The following DHX15 variants were observed in gnomAD, a reference collection of about 807,000 sequenced individuals.
The protein encoded by DHX15 is DEAH-box helicase 15, also known as ATP-dependent RNA helicase DHX15.
A neutral mutation model predicts 94.4 loss-of-function variants in DHX15; 11 were observed. The observed-to-expected ratio is 0.12, with a 90% CI of 0.07 to 0.19. DHX15 has a LOEUF of 0.19. Among genes scored for constraint, DHX15 ranks in the 10% least tolerant of loss-of-function variants. The probability of loss-of-function intolerance (pLI) is 1.00; values close to 1 mark genes in which losing one functional copy is unlikely to be tolerated. For missense variants in DHX15, 304 were observed against 988.5 expected, an observed-to-expected ratio of 0.31 and a Z score of 9.29; for synonymous variants, 338 against 329.9, an observed-to-expected ratio of 1.02 and a Z score of -0.27.
chr4:24,550,158 C>T (rs886584979), intron 5 of DHX15, among the ~76,000 whole-genome samples: 1 of 142,132 alleles, frequency 7.0e-6, no homozygotes, highest in Admixed American at 7.4e-5. Context: ...AGGGCATCTG[C>T]CATGAAAGAA....
chr4:24,559,713 C>CTATCTACAG (rs1721821468), intron 3 of DHX15, among the ~76,000 whole-genome samples: 2 of 152,166 alleles, frequency 1.3e-5, no homozygotes, highest in African/African-American at 2.4e-5. Flanking sequence ...TGTTTTCCAA[C>CTATCTACAG]TGTTTTAGGG....
At chr4:24,560,409 T>A (rs1490573376) in intron 3 of DHX15, among the ~76,000 whole-genome samples, 2 of 149,338 alleles carry the variant, frequency 1.3e-5, no homozygotes, top group Non-Finnish European at 3.0e-5. Flanking sequence ...ATACATGGAT[T>A]AAATTATTTA....
intron 3 of DHX15, among the ~76,000 whole-genome samples, chr4:24,567,983 ATC>A (rs2109007489): frequency 6.6e-6 from 1 of 152,356 alleles, no homozygotes; most frequent in Non-Finnish European, 1.5e-5. Flanking sequence ...ACCAGATCCA[ATC>A]TTCCGAAAAG....
At chr4:24,554,625 T>C (rs1018048019) in intron 5 of DHX15, 100 bp downstream of exon 5, 65 of 906,172 alleles carry the variant, frequency 7.2e-5, no homozygotes, top group Non-Finnish European at 1.1e-4. Context: ...TGAAGAACAT[T>C]GAAATAAAAA....
At chr4:24,542,897 G>T in intron 7 of DHX15, 43 bp downstream of exon 7, 1 of 1,450,818 alleles carries the variant, frequency 6.9e-7, no homozygotes, top group Non-Finnish European at 9.7e-7. Context: ...TGTAAGTACT[G>T]TTAAACCAAC....
At chr4:24,565,809 G>A (rs747742226) in intron 3 of DHX15, among the ~76,000 whole-genome samples, 2 of 152,146 alleles carry the variant, frequency 1.3e-5, no homozygotes, top group Non-Finnish European at 2.9e-5. Context: ...CCTAAACAGA[G>A]TGCCATAAAT....
intron 3 of DHX15, among the ~76,000 whole-genome samples, chr4:24,565,882 A>G (rs1449551963): frequency 6.6e-6 from 1 of 152,144 alleles, no homozygotes; most frequent in Non-Finnish European, 1.5e-5. Flanking sequence ...GGTAGTTAGT[A>G]CCAGCTCCAT....
chr4:24,555,585 G>A (rs1721719473), intron 4 of DHX15, among the ~76,000 whole-genome samples: 1 of 152,046 alleles, frequency 6.6e-6, no homozygotes, highest in Non-Finnish European at 1.5e-5. Flanking sequence ...TTTCTGCTAA[G>A]AGTCTCACTC....
chr4:24,574,571 T>A (rs1722200722), intron 2 of DHX15, among the ~76,000 whole-genome samples: 1 of 152,204 alleles, frequency 6.6e-6, no homozygotes, highest in Non-Finnish European at 1.5e-5. Context: ...AATAGCAGTA[T>A]GAAATATAAA....
chr4:24,563,992 G>C (rs898977816), intron 3 of DHX15, among the ~76,000 whole-genome samples: 25 of 150,482 alleles, frequency 1.7e-4, no homozygotes, highest in Admixed American at 1.3e-4. Flanking sequence ...GTGTGAACCT[G>C]GGAGGCGGAG....
intron 11 of DHX15, chr4:24,534,291 G>A (rs757155991): frequency 2.0e-5 from 3 of 152,134 alleles, no homozygotes; most frequent in Non-Finnish European, 2.9e-5. Context: ...GCAGAAAAAT[G>A]CCCAAGCTGG....
chr4:24,574,662 T>C lies in DHX15; in HGVS notation c.507+1581A>G, dbSNP rs56136747. Reference sequence around the variant, plus strand: ...CCATAATCCATGTAACCCAGGACAATCCACTAAACCTAAGTTTCTCATAAA... The same window carrying C: ...CCATAATCCATGTAACCCAGGACAACCCACTAAACCTAAGTTTCTCATAAA... On this transcript the variant is annotated intron_variant, in intron 2 of 13. Transcript: ENST00000336812. Among the ~76,000 whole-genome samples, 283 of 152,276 alleles carry C rather than the reference T, an allele frequency of 1.9e-3. 1 individual carries two copies. Among genetic ancestry groups the C allele is most frequent in the Middle Eastern group, 0.01 (3 of 294 alleles).
intron 1 of DHX15, among the ~76,000 whole-genome samples, chr4:24,577,654 T>C (rs949757197): frequency 5.3e-5 from 8 of 152,144 alleles, no homozygotes; most frequent in African/African-American, 1.9e-4. Context: ...GGTATCTACT[T>C]CCAGTTACTA....
At position 24,527,700 on chromosome 4, in the gene DHX15, A is replaced by T. The variant is rs769051673; in HGVS notation, c.*224T>A. On this transcript the variant is annotated 3_prime_UTR_variant, in exon 14 of 14. Transcript: ENST00000336812. ...ATAGAACTACTTTCAATAAACTGCA[A>T]AACATTGATCGACTTTTCCAGTATG... The T allele has an allele frequency of 2.2e-6, 1 of 458,936 alleles. No homozygotes were observed. Among genetic ancestry groups the T allele is most frequent in the Non-Finnish European group, 3.9e-6 (1 of 257,070 alleles). The allele number at this position is 458,936 out of a possible 1,614,324, so 28.4% of individuals were successfully genotyped here. A position where few individuals can be genotyped will look rare whatever the true frequency, so the allele number is the denominator to read the frequency against.
At position 24,580,764 on chromosome 4, in the gene DHX15, C is replaced by T. The variant is rs569772357; in HGVS notation, c.71+3559G>A. 2.0e-5 allele frequency: 3 copies of T among 152,124 alleles called. 1 individual carries two copies. The South Asian group carries it at 6.2e-4, about 32-fold the overall frequency. 9.4% of individuals were successfully genotyped at this position (152,124 alleles called of 1,614,324 possible). The stretch of plus-strand genomic sequence containing the variant: ...AACTCCTGACCTCAGGTGATCCATT[C>T]GCCTAGGCCTCCCAAAGTGCTGTGA... On this transcript the variant is annotated intron_variant, in intron 1 of 13. Transcript: ENST00000336812.
At position 24,570,713 on chromosome 4, in the gene DHX15, G is replaced by T; in HGVS notation, c.642C>A (p.Gly214=). The change falls in exon 3 of 14, where the codon GGC becomes GGA. Residue 214 remains glycine, a synonymous_variant. Coordinates refer to ENST00000336812, the MANE Select transcript of DHX15 (RefSeq NM_001358.3). Reference sequence around the variant, plus strand: ...ATCGAATGGAGTAACCAACTTCCTGGCCCAACATCACATCCATCTCATCAG... The same window carrying T: ...ATCGAATGGAGTAACCAACTTCCTGTCCCAACATCACATCCATCTCATCAG... ...RVADEMDVML[G]QEVGYSIRFE... is the part of the protein sequence containing the mutation. The T allele has an allele frequency of 6.2e-7, 1 of 1,614,042 alleles. No homozygotes were observed. The highest frequency in any genetic ancestry group is 1.3e-5 in the African/African-American group (1 of 75,006).
At chr4:24,577,088 A>G (rs1722285690) in intron 1 of DHX15, among the ~76,000 whole-genome samples, 1 of 152,216 alleles carries the variant, frequency 6.6e-6, no homozygotes, top group African/African-American at 2.4e-5. Flanking sequence ...TTGTGCACTA[A>G]AAGTATATTC....
chr4:24,534,503 T>G (rs1361520805), intron 11 of DHX15, among the ~76,000 whole-genome samples: 3 of 152,130 alleles, frequency 2.0e-5, no homozygotes, highest in East Asian at 3.8e-4. Context: ...GAGAAATAAT[T>G]GGGTAAATGG....
At chr4:24,539,852 C>CAA (rs1027076262) in intron 10 of DHX15, 1 of 278,510 alleles carries the variant, frequency 3.6e-6, no homozygotes, top group Non-Finnish European at 6.6e-6. Flanking sequence ...CAACTGTGCT[C>CAA]AAACTTACTG....
Sources: allele counts gnomAD v4.1 joint callset (sites outside exome capture counted in the v4.1 genomes callset), GRCh38; gene constraint gnomAD v4.1.1; transcripts MANE v1.5; gene names NCBI Gene and HGNC (gene_info 2026-07-23, HGNC 2026-07-21).